ADAM22: variants seen among roughly 807,000 people sequenced by gnomAD.
The protein encoded by ADAM22 is ADAM metallopeptidase domain 22.
A neutral mutation model predicts 144.6 loss-of-function variants in ADAM22; 65 were observed. That is an observed-to-expected ratio of 0.45 (90% CI 0.37 to 0.55). The LOEUF is 0.55. Ranked by LOEUF, ADAM22 falls within the 20% of genes least tolerant of loss-of-function variation. The probability of loss-of-function intolerance (pLI) is 0.00; values close to 1 mark genes in which losing one functional copy is unlikely to be tolerated. For missense variants in ADAM22, 974 were observed against 1,184.9 expected, an observed-to-expected ratio of 0.82 and a Z score of 2.61; for synonymous variants, 391 against 412.6, an observed-to-expected ratio of 0.95 and a Z score of 0.63.
At chr7:88,121,677 T>C (rs1212882223) in intron 7 of ADAM22, among the ~76,000 whole-genome samples, 1 of 152,104 alleles carries the variant, frequency 6.6e-6, no homozygotes, top group East Asian at 1.9e-4. Flanking sequence ...ACCAACCTGG[T>C]AGCTAACTTG....
At chr7:88,110,273 C>A (rs149706662) in intron 5 of ADAM22, among the ~76,000 whole-genome samples, 31 of 152,214 alleles carry the variant, frequency 2.0e-4, no homozygotes, top group African/African-American at 7.5e-4. Context: ...CATCTGTCAC[C>A]TAGGAATAGT....
At chr7:88,042,511 T>A (rs902736176) in intron 3 of ADAM22, among the ~76,000 whole-genome samples, 19 of 152,238 alleles carry the variant, frequency 1.2e-4, no homozygotes, top group African/African-American at 4.6e-4. Context: ...TATTTATTCA[T>A]AGATTACTCT....
chr7:88,032,149 A>G (rs1354976239), intron 3 of ADAM22, among the ~76,000 whole-genome samples: 1 of 152,240 alleles, frequency 6.6e-6, no homozygotes, highest in Non-Finnish European at 1.5e-5. Context: ...GAAGGCCACC[A>G]TTCTCCAATC....
chr7:88,053,575 G>A (rs936306975), intron 3 of ADAM22, among the ~76,000 whole-genome samples: 19 of 111,006 alleles, frequency 1.7e-4, no homozygotes, highest in African/African-American at 6.9e-4. Flanking sequence ...AAGGAAGGAG[G>A]AAAGGAAGGA....
intron 3 of ADAM22, among the ~76,000 whole-genome samples, chr7:88,009,455 G>T (rs149332121): frequency 5.3e-5 from 8 of 152,056 alleles, no homozygotes; most frequent in Non-Finnish European, 8.8e-5. Context: ...GTTGTTTAAT[G>T]AATTTTTTCC....
chr7:88,028,937 G>C (rs2022555), intron 3 of ADAM22, among the ~76,000 whole-genome samples: 60,503 of 151,674 alleles, frequency 0.4, 13,350 homozygotes, highest in East Asian at 0.59. Context: ...AGAACGTGGA[G>C]TCTTGTTTTT....
chr7:88,094,456 A>C (rs776991793), intron 4 of ADAM22, among the ~76,000 whole-genome samples: 1 of 152,202 alleles, frequency 6.6e-6, no homozygotes, highest in Non-Finnish European at 1.5e-5. Flanking sequence ...GGTGGACAGA[A>C]TAAGAGGTGG....
intron 2 of ADAM22, among the ~76,000 whole-genome samples, chr7:87,968,531 A>G (rs1849679682): frequency 6.6e-6 from 1 of 152,126 alleles, no homozygotes; most frequent in Non-Finnish European, 1.5e-5. Context: ...CCTGGGCAAC[A>G]CAGTGAGATT....
intron 4 of ADAM22, among the ~76,000 whole-genome samples, chr7:88,103,837 A>G (rs1212359077): frequency 2.6e-5 from 4 of 152,306 alleles, no homozygotes; most frequent in African/African-American, 9.6e-5. Flanking sequence ...AAGATTTGAG[A>G]AAGTTGGTTT....
At chr7:88,162,000 G>A (rs1841784877) in intron 22 of ADAM22, among the ~76,000 whole-genome samples, 1 of 151,508 alleles carries the variant, frequency 6.6e-6, no homozygotes, top group African/African-American at 2.4e-5. Context: ...AAAGACACAG[G>A]CACACGTATG....
At chr7:88,151,674 C>T (rs1838434070) in intron 20 of ADAM22, among the ~76,000 whole-genome samples, 1 of 152,164 alleles carries the variant, frequency 6.6e-6, no homozygotes, top group Non-Finnish European at 1.5e-5. Context: ...GCTTCACAAC[C>T]ATATGGGATG....
At chr7:88,141,524 TCTTAC>T (rs1310222169) in intron 14 of ADAM22, among the ~76,000 whole-genome samples, 1 of 152,084 alleles carries the variant, frequency 6.6e-6, no homozygotes, top group Non-Finnish European at 1.5e-5. Flanking sequence ...AACTACTCAT[TCTTAC>T]CTTGTTTTTT....
intron 31 of ADAM22, among the ~76,000 whole-genome samples, chr7:88,194,952 T>C (rs1315295285): frequency 6.6e-6 from 1 of 152,186 alleles, no homozygotes; most frequent in Non-Finnish European, 1.5e-5. Context: ...GATAGCATGG[T>C]GGCTTTACCA....
At chr7:88,187,546 A>G (rs1848596081) in intron 30 of ADAM22, among the ~76,000 whole-genome samples, 1 of 152,210 alleles carries the variant, frequency 6.6e-6, no homozygotes, top group African/African-American at 2.4e-5. Flanking sequence ...TTACCCTTAT[A>G]TAATATCAAA....
At chr7:88,026,228 A>G (rs1189134252) in intron 3 of ADAM22, among the ~76,000 whole-genome samples, 1 of 152,246 alleles carries the variant, frequency 6.6e-6, no homozygotes, top group Non-Finnish European at 1.5e-5. Context: ...GTACAGAAGC[A>G]TGGCATCATC....
At chr7:88,183,846 A>T (rs1426866967) in intron 29 of ADAM22, among the ~76,000 whole-genome samples, 1 of 146,502 alleles carries the variant, frequency 6.8e-6, no homozygotes, top group Non-Finnish European at 1.5e-5. Flanking sequence ...ATATATATAT[A>T]TATTTATACA....
chr7:88,052,266 G>A (rs1481512215), intron 3 of ADAM22, among the ~76,000 whole-genome samples: 1 of 151,388 alleles, frequency 6.6e-6, no homozygotes, highest in Non-Finnish European at 1.5e-5. Context: ...GGGAGACCGA[G>A]TCGGGCAGAT....
intron 13 of ADAM22, among the ~76,000 whole-genome samples, chr7:88,135,137 G>T (rs989932913): frequency 1.3e-5 from 2 of 151,678 alleles, no homozygotes; most frequent in Non-Finnish European, 2.9e-5. Context: ...AATTAGCCGG[G>T]TGTGGTGGCA....
intron 14 of ADAM22, among the ~76,000 whole-genome samples, chr7:88,139,964 T>C (rs546558239): frequency 6.6e-5 from 10 of 152,280 alleles, no homozygotes; most frequent in African/African-American, 2.4e-4. Context: ...TGGCTCACAG[T>C]TCTGCAGGCT....
Sources: allele counts gnomAD v4.1 joint callset (sites outside exome capture counted in the v4.1 genomes callset), GRCh38; gene constraint gnomAD v4.1.1; transcripts MANE v1.5; gene names NCBI Gene and HGNC (gene_info 2026-07-23, HGNC 2026-07-21).